WDR90: variants seen among roughly 807,000 people sequenced by gnomAD.
The protein encoded by WDR90 is WD repeat domain 90.
In WDR90, 238 loss-of-function variants were observed where a neutral mutation model predicts 195.2. The ratio of observed to expected loss-of-function variants is 1.22; its 90% confidence interval spans 1.10 to 1.36. The LOEUF is 1.36. WDR90 is among the 40% of genes most tolerant of loss of function. WDR90 has a pLI of 0.00. For missense variants in WDR90, 2,734 were observed against 2,439.5 expected, an observed-to-expected ratio of 1.12 and a Z score of -2.54; for synonymous variants, 1,265 against 1,052.4, an observed-to-expected ratio of 1.20 and a Z score of -3.91.
At chr16:652,379 G>T in intron 9 of WDR90, 88 bp from the exon 10 acceptor site, 1 of 1,463,400 alleles carries the variant, frequency 6.8e-7, no homozygotes, top group Non-Finnish European at 9.3e-7. Flanking sequence ...GCAGGACCCA[G>T]CTAGGGGTTG....
At chr16:652,675 T>A in intron 10 of WDR90, 140 bp downstream of exon 10, 2 of 900,722 alleles carry the variant, frequency 2.2e-6, no homozygotes, top group Non-Finnish European at 3.0e-6. Flanking sequence ...AGCGGTCCCG[T>A]CCCCCTGCAG....
chr16:649,410 C>T lies in WDR90; in HGVS notation c.-7C>T. ...AGGCCTAGGCGGGAAGCTCGAGCGG[C>T]GGCGCCATGGCCCGAGGTAGCGCGC... On this transcript the variant is annotated 5_prime_UTR_variant, in exon 1 of 41. Transcript: ENST00000293879. 4 of 1,313,902 alleles carry T rather than the reference C, an allele frequency of 3.0e-6. No homozygotes were observed. Among genetic ancestry groups the T allele is most frequent in the Non-Finnish European group, 2.9e-6 (3 of 1,034,586 alleles). The allele number at this position is 1,313,902 out of a possible 1,614,324, so 81.4% of individuals were successfully genotyped here.
Position 652,474 on chromosome 16 carries a change from TC to T in WDR90, c.1064del (p.Pro355GlnfsTer5). ...VARTGSCEGF[L>X]PDPVLRLKGV... is the part of the protein sequence containing the mutation. The stretch of plus-strand genomic sequence containing the variant: ...TGCGAATGGCTGTTTCAGGGCTTCC[TC>T]CCAGACCCAGTCCTGAGGCTCAAGG... On this transcript the variant is annotated frameshift_variant, in exon 10 of 41. Coordinates refer to ENST00000293879, the MANE Select transcript of WDR90 (RefSeq NM_145294.5). LOFTEE classifies it high-confidence loss of function. 6.2e-6 allele frequency: 10 copies of T among 1,607,964 alleles called. No individual in the cohort carries two copies. Among genetic ancestry groups the T allele is most frequent in the Non-Finnish European group, 8.5e-6 (10 of 1,176,788 alleles).
intron 34 of WDR90, 109 bp from the exon 35 acceptor site, chr16:665,570 C>T (rs1321772478): frequency 1.9e-6 from 3 of 1,565,318 alleles, no homozygotes; most frequent in Non-Finnish European, 2.6e-6. Flanking sequence ...GCCAGAGGCA[C>T]ATGCTCTGGT....
At chr16:658,716 C>T (rs2037817770) in intron 23 of WDR90, 63 bp downstream of exon 23, 3 of 1,582,930 alleles carry the variant, frequency 1.9e-6, no homozygotes, top group East Asian at 4.5e-5. Context: ...GCCCTGGAGA[C>T]CCCTGCAGGT....
chr16:653,302 C>T (rs1481769415), intron 10 of WDR90, 39 bp from the exon 11 acceptor site: 12 of 1,448,668 alleles, frequency 8.3e-6, no homozygotes, highest in East Asian at 5.0e-5. Context: ...AGGGGCCTGG[C>T]GTAGCACCGG....
intron 38 of WDR90, 22 bp downstream of exon 38, chr16:666,620 G>C: frequency 6.2e-7 from 1 of 1,611,768 alleles, no homozygotes; most frequent in Non-Finnish European, 8.5e-7. Context: ...TCCTGGCACT[G>C]TGGGTGGGGC....
At position 657,197 on chromosome 16, in the gene WDR90, C is replaced by G. The variant is rs1190805397; in HGVS notation, c.2449C>G (p.Gln817Glu). Residue 817 changes from glutamine to glutamate, a missense_variant, in exon 20 of 41, where the codon CAG (glutamine) becomes GAG (glutamate). By Grantham distance (29) the Gln-to-Glu change is conservative. Coordinates refer to ENST00000293879, the MANE Select transcript of WDR90 (RefSeq NM_145294.5). ...SLAQYSCADP[Q>E]WHVLRVAADM... ...GGCCCAGTACAGCTGTGCGGACCCCCAGTGGCATGTCCTCCGAGTGGCAGG... is the reference window on the plus strand; with the variant it reads ...GGCCCAGTACAGCTGTGCGGACCCCGAGTGGCATGTCCTCCGAGTGGCAGG... 1 of 1,554,048 alleles carries G rather than the reference C, an allele frequency of 6.4e-7. No homozygotes were observed. Among genetic ancestry groups the G allele is most frequent in the Non-Finnish European group, 8.7e-7 (1 of 1,149,172 alleles).
intron 22 of WDR90, 43 bp from the exon 23 acceptor site, chr16:658,482 A>G (rs372875590): frequency 1.4e-5 from 23 of 1,587,990 alleles, no homozygotes; most frequent in East Asian, 9.0e-5. Context: ...GCTGCTGGCC[A>G]CTCTCCTGAG....
At chr16:666,824 C>T (rs768293160) in intron 39 of WDR90, 32 bp downstream of exon 39, 3 of 1,612,576 alleles carry the variant, frequency 1.9e-6, no homozygotes, top group East Asian at 2.2e-5. Context: ...TCACTGGGAG[C>T]CCCAGGGATC....
At chr16:666,882 A>G (rs763091075) in intron 39 of WDR90, 23 bp from the exon 40 acceptor site, 8 of 1,612,954 alleles carry the variant, frequency 5.0e-6, no homozygotes, top group Non-Finnish European at 4.2e-6. Context: ...ACAGGCCTGG[A>G]GCCTCACGCT....
intron 34 of WDR90, chr16:665,201 C>T (rs375838685): frequency 3.2e-5 from 10 of 315,286 alleles, no homozygotes; most frequent in African/African-American, 1.3e-4. Flanking sequence ...GACTGCATGG[C>T]GCGCTCGCTG....
Position 657,160 on chromosome 16 carries a change from C to T in WDR90, c.2412C>T (p.Ser804=). 6.4e-7 allele frequency: 1 copy of T among 1,563,374 alleles called. No individual in the cohort carries two copies. The highest frequency in any genetic ancestry group is 8.7e-7 in the Non-Finnish European group (1 of 1,154,678). The change falls in exon 20 of 41, where the codon TCC becomes TCT. Residue 804 remains serine (S), a synonymous_variant. Transcript: ENST00000293879. ...PDGRLLFSSC[S]QGSLAQYSCA... is the part of the protein sequence containing the mutation. ...GCCGCCTGCTCTTCAGCTCCTGCTC[C>T]CAGGGCTCCCTGGCCCAGTACAGCT...
At chr16:650,818 C>T in intron 5 of WDR90, 109 bp downstream of exon 5, 1 of 1,508,760 alleles carries the variant, frequency 6.6e-7, no homozygotes, top group Non-Finnish European at 9.0e-7. Context: ...GCTGTGCTGT[C>T]TCTGAGCTCT....
Position 662,310 on chromosome 16 carries a change from G to T in WDR90, c.4124G>T (p.Arg1375Met). Residue 1375 changes from arginine (R) to methionine (M), a missense_variant, in exon 33 of 41, where the codon AGG becomes ATG. Arg to Met is a moderately conservative substitution (Grantham distance 91). Transcript: ENST00000293879. ...GCCGTGGGGGCTGTGTCGGAGCTGA[G>T]GTGCAAGGGCTCAGGCGCCAGGTGA... ...LWAVGAVSEL[R>M]CKGSGASSVF... 1 of 1,571,668 alleles carries T rather than the reference G, an allele frequency of 6.4e-7. No individual in the cohort carries two copies.
rs1307446431 is a variant in WDR90, at chr16:658,276, C to T, written c.2698C>T (p.Leu900=). 2 of 1,612,550 alleles carry T rather than the reference C, an allele frequency of 1.2e-6. No homozygotes were observed. The highest frequency in any genetic ancestry group is 2.7e-5 in the African/African-American group (2 of 74,944). The change falls in exon 22 of 41, where the codon CTG becomes TTG. Residue 900 remains leucine (L), a synonymous_variant. Coordinates refer to ENST00000293879, the MANE Select transcript of WDR90 (RefSeq NM_145294.5). ...VCFGPAALGH[L]LVSTSSNRVV... The stretch of plus-strand genomic sequence containing the variant: ...CTTTGGCCCTGCAGCTCTGGGCCAC[C>T]TGCTGGTGTCCACCTCGTCCAACAG...
rs1047373384 is a variant in WDR90, at chr16:652,139, G to A, written c.1053+100G>A. 11 of 1,352,170 alleles carry A rather than the reference G, an allele frequency of 8.1e-6. No homozygotes were observed. In the Admixed American group the frequency reaches 1.5e-4, roughly 18 times the overall value. 83.8% of individuals were successfully genotyped at this position (1,352,170 alleles called of 1,614,324 possible). ...CATTCAGAACGGATGTGCCTCCAAC[G>A]GTCTCCTCTTGTTCAGCCTCCTGGC... On this transcript the variant is annotated intron_variant, in intron 9 of 40. Transcript: ENST00000293879.
At chr16:651,379 G>T in intron 7 of WDR90, 113 bp downstream of exon 7, 1 of 1,305,914 alleles carries the variant, frequency 7.7e-7, no homozygotes, top group Non-Finnish European at 1.1e-6. Flanking sequence ...TGCAGCTGGT[G>T]CAGGGACCCA....
chr16:667,297 C>T, intron 40 of WDR90, 135 bp from the exon 41 acceptor site: 1 of 1,232,964 alleles, frequency 8.1e-7, no homozygotes. Context: ...ACGTGGAGGG[C>T]ACAGCCAGGA....
Sources: allele counts gnomAD v4.1 joint callset, GRCh38; gene constraint gnomAD v4.1.1; transcripts MANE v1.5; gene names NCBI Gene and HGNC (gene_info 2026-07-23, HGNC 2026-07-21).